The following PPEF1 variants were observed in gnomAD, a reference collection of about 807,000 sequenced individuals.
PPEF1 encodes protein phosphatase with EF-hand domain 1, also known as serine/threonine-protein phosphatase with EF-hands 1.
In PPEF1, 12 loss-of-function variants were observed where a neutral mutation model predicts 53.3. That is an observed-to-expected ratio of 0.23 (90% CI 0.14 to 0.36). The LOEUF is 0.36. Ranked by LOEUF, PPEF1 falls within the 10% of genes least tolerant of loss-of-function variation. The pLI, the probability that PPEF1 is intolerant of heterozygous loss-of-function variation, is 1.00. For missense variants in PPEF1, 334 were observed against 490.4 expected (o/e 0.68, Z 3.01); for synonymous variants, 165 against 176.7 (o/e 0.93, Z 0.52).
At chrX:18,736,779 G>A (rs763592381) in intron 3 of PPEF1, among the ~76,000 whole-genome samples, 1 of 112,286 alleles carries the variant, frequency 8.9e-6, no homozygotes, top group African/African-American at 3.2e-5. Flanking sequence ...TTGGTTGGTA[G>A]GCTATTAATT....
At chrX:18,732,546 G>A (rs180775980) in intron 2 of PPEF1, among the ~76,000 whole-genome samples, 5 of 111,981 alleles carry the variant, frequency 4.5e-5, no homozygotes, top group Non-Finnish European at 7.5e-5. Flanking sequence ...TATAGCTATC[G>A]TAGTGGGTGT....
chrX:18,807,223 G>T (rs1369713004), intron 12 of PPEF1, among the ~76,000 whole-genome samples: 1 of 110,542 alleles, frequency 9.0e-6, no homozygotes, highest in African/African-American at 3.3e-5. Context: ...TAGAGACGGG[G>T]TTTCACCATG....
intron 6 of PPEF1, among the ~76,000 whole-genome samples, chrX:18,701,257 C>T (rs754697470): frequency 1.8e-5 from 2 of 112,100 alleles, no homozygotes; most frequent in African/African-American, 3.2e-5. Context: ...GGGAAAAGAG[C>T]CCATTGCTTT....
At chrX:18,826,996 T>G (rs929884708) in intron 15 of PPEF1, among the ~76,000 whole-genome samples, 2 of 111,573 alleles carry the variant, frequency 1.8e-5, no homozygotes, top group Non-Finnish European at 3.8e-5. Flanking sequence ...GTCTTGTAAT[T>G]TCTATACCAC....
intron 12 of PPEF1, among the ~76,000 whole-genome samples, chrX:18,817,259 A>G (rs1028384046): frequency 2.7e-5 from 3 of 110,568 alleles, no homozygotes; most frequent in Non-Finnish European, 5.7e-5. Context: ...CTATCCTAGC[A>G]CTCTTTTTAA....
At chrX:18,759,574 G>A (rs2045616558) in intron 5 of PPEF1, among the ~76,000 whole-genome samples, 1 of 111,459 alleles carries the variant, frequency 9.0e-6, no homozygotes, top group Non-Finnish European at 1.9e-5. Flanking sequence ...CCCATGGTAC[G>A]AGTTTTTCTT....
intron 6 of PPEF1, among the ~76,000 whole-genome samples, chrX:18,770,495 A>G (rs933089080): frequency 1.8e-5 from 2 of 111,622 alleles, no homozygotes; most frequent in East Asian, 2.8e-4. Context: ...AATGAGCTTT[A>G]TTATCACAAG....
upstream of PPEF1, among the ~76,000 whole-genome samples, chrX:18,680,586 G>A (rs764364454): frequency 1.2e-4 from 13 of 107,716 alleles, no homozygotes; most frequent in East Asian, 3.5e-3. Context: ...CTGCCACCAC[G>A]CCCAGCTAAT....
intron 2 of PPEF1, among the ~76,000 whole-genome samples, chrX:18,732,127 C>T (rs1392049204): frequency 1.8e-5 from 2 of 112,726 alleles, no homozygotes; most frequent in Non-Finnish European, 1.9e-5. Context: ...GCTTCTTTTA[C>T]TTAGCATAAT....
At chrX:18,804,458 C>T (rs1463738707) in intron 11 of PPEF1, among the ~76,000 whole-genome samples, 1 of 110,439 alleles carries the variant, frequency 9.1e-6, no homozygotes, top group Non-Finnish European at 1.9e-5. Context: ...AGGTGTGCGC[C>T]ACCACACCCA....
chrX:18,749,554 GA>G (rs1270137922), intron 3 of PPEF1, among the ~76,000 whole-genome samples: 10 of 111,275 alleles, frequency 9.0e-5, no homozygotes, highest in African/African-American at 3.3e-4. Context: ...ACTAGCCATG[GA>G]CCCACTGCTG....
intron 12 of PPEF1, among the ~76,000 whole-genome samples, chrX:18,810,472 T>A (rs865855634): frequency 9.0e-6 from 1 of 111,300 alleles, no homozygotes; most frequent in African/African-American, 3.3e-5. Context: ...ATCTAACTTT[T>A]GAACATTTTT....
At chrX:18,726,282 G>C (rs904964057) in intron 1 of PPEF1, among the ~76,000 whole-genome samples, 4 of 110,667 alleles carry the variant, frequency 3.6e-5, no homozygotes, top group Middle Eastern at 4.3e-3. Flanking sequence ...GAATCCAGGA[G>C]GCGGAGGTTG....
intron 12 of PPEF1, among the ~76,000 whole-genome samples, chrX:18,809,929 T>C (rs1421842460): frequency 9.0e-6 from 1 of 111,019 alleles, no homozygotes; most frequent in Non-Finnish European, 1.9e-5. Flanking sequence ...GAGAGTAGTA[T>C]GGTGGTTGCC....
intron 12 of PPEF1, among the ~76,000 whole-genome samples, chrX:18,816,514 T>C (rs2046919511): frequency 8.9e-6 from 1 of 112,037 alleles, no homozygotes; most frequent in African/African-American, 3.2e-5. Context: ...CTCTTGTTGT[T>C]GGGTGGAGTG....
intron 3 of PPEF1, among the ~76,000 whole-genome samples, chrX:18,690,342 A>C (rs1468241071): frequency 9.6e-6 from 1 of 103,642 alleles, no homozygotes; most frequent in East Asian, 3.0e-4. Flanking sequence ...AAAGCCCTGG[A>C]TATTTTCTAG....
chrX:18,763,646 T>G (rs1250687267), intron 6 of PPEF1, among the ~76,000 whole-genome samples: 2 of 111,426 alleles, frequency 1.8e-5, no homozygotes, highest in African/African-American at 6.5e-5. Flanking sequence ...TATCTTGAGC[T>G]TCCACCCCAT....
intron 13 of PPEF1, 56 bp downstream of exon 13, chrX:18,818,201 C>G (rs1019266044): frequency 3.5e-5 from 27 of 778,974 alleles, no homozygotes; most frequent in African/African-American, 3.4e-4. Flanking sequence ...ACATACAGAT[C>G]ACTTTTCATT....
intron 5 of PPEF1, among the ~76,000 whole-genome samples, chrX:18,698,341 T>C (rs990550006): frequency 4.4e-5 from 5 of 112,385 alleles, no homozygotes. Flanking sequence ...ACAAATCACA[T>C]AAAGGGCACA....
Sources: allele counts gnomAD v4.1 joint callset (sites outside exome capture counted in the v4.1 genomes callset), GRCh38; gene constraint gnomAD v4.1.1; transcripts MANE v1.5; gene names NCBI Gene and HGNC (gene_info 2026-07-23, HGNC 2026-07-21).